The following RORA variants were observed in gnomAD, a reference collection of about 807,000 sequenced individuals.
The protein encoded by RORA is nuclear receptor ROR-alpha.
A neutral mutation model predicts 69.5 loss-of-function variants in RORA; 7 were observed. The observed-to-expected ratio is 0.10, with a 90% confidence interval of 0.06 to 0.19. The LOEUF (loss-of-function observed/expected upper bound fraction) is 0.19. RORA is among the 10% of genes least tolerant of loss of function. The pLI is 1.00. For synonymous variants in RORA, 261 were observed against 240.8 expected (o/e 1.08, Z -0.78); for missense variants, 457 against 663.0 (o/e 0.69, Z 3.41).
At chr15:60,708,804 T>C (rs2071103981) in intron 1 of RORA, among the ~76,000 whole-genome samples, 1 of 152,210 alleles carries the variant, frequency 6.6e-6, no homozygotes, top group Non-Finnish European at 1.5e-5. Flanking sequence ...GTTTATGCAG[T>C]AGAATGCTGA....
chr15:61,029,926 TA>T (rs1896059080), intron 1 of RORA, among the ~76,000 whole-genome samples: 1 of 152,094 alleles, frequency 6.6e-6, no homozygotes, highest in Non-Finnish European at 1.5e-5. Flanking sequence ...GTGGCTCACC[TA>T]AAGAGAGACA....
At position 60,876,793 on chromosome 15, in the gene RORA, T is replaced by C. The variant is rs191567140; in HGVS notation, c.167-198107A>G. On this transcript the variant is annotated intron_variant, in intron 1 of 10. Transcript: ENST00000335670. Reference sequence around the variant, plus strand: ...ATCTGATATCATGAAAACATGGCTCTTTCCTCAAGGATTAGCGAGACAGAC... The same window carrying C: ...ATCTGATATCATGAAAACATGGCTCCTTCCTCAAGGATTAGCGAGACAGAC... Among the ~76,000 whole-genome samples, 399 of 152,346 alleles carry C rather than the reference T, an allele frequency of 2.6e-3. 3 individuals carry two copies. Among genetic ancestry groups the C allele is most frequent in the African/African-American group, 9.1e-3 (378 of 41,574 alleles).
At chr15:61,105,666 C>T (rs1230621595) in intron 1 of RORA, among the ~76,000 whole-genome samples, 2 of 152,120 alleles carry the variant, frequency 1.3e-5, no homozygotes, top group Non-Finnish European at 2.9e-5. Flanking sequence ...CATGTGGACA[C>T]CATAACACAA....
At chr15:60,574,646 G>C (rs969079192) in intron 2 of RORA, among the ~76,000 whole-genome samples, 2 of 152,238 alleles carry the variant, frequency 1.3e-5, no homozygotes, top group Non-Finnish European at 2.9e-5. Flanking sequence ...CCTGCCATAT[G>C]CTAAGTGCTT....
intron 1 of RORA, among the ~76,000 whole-genome samples, chr15:60,986,467 C>T (rs940609390): frequency 5.9e-5 from 9 of 152,194 alleles, no homozygotes; most frequent in Admixed American, 4.6e-4. Flanking sequence ...CAATTTGAGG[C>T]CACCTCTTCA....
chr15:60,687,305 AT>A (rs1435004591), intron 1 of RORA, among the ~76,000 whole-genome samples: 10 of 152,166 alleles, frequency 6.6e-5, no homozygotes, highest in Admixed American at 1.3e-4. Context: ...TCCATAAAGA[AT>A]TTTTTAGAGT....
At chr15:60,766,509 G>A (rs1422182026) in intron 1 of RORA, among the ~76,000 whole-genome samples, 2 of 152,140 alleles carry the variant, frequency 1.3e-5, no homozygotes, top group Admixed American at 6.5e-5. Context: ...ATATGTAGGC[G>A]ATGCCTGCTG....
At chr15:61,184,023 C>T (rs1199607247) in intron 1 of RORA, among the ~76,000 whole-genome samples, 1 of 152,172 alleles carries the variant, frequency 6.6e-6, no homozygotes, top group African/African-American at 2.4e-5. Flanking sequence ...GCTGAACTGA[C>T]ACAGAGCCAT....
intron 1 of RORA, among the ~76,000 whole-genome samples, chr15:60,843,740 C>T (rs998973069): frequency 1.3e-5 from 2 of 152,178 alleles, no homozygotes; most frequent in Non-Finnish European, 2.9e-5. Flanking sequence ...GAACGGCTGG[C>T]ACAGCCCTGT....
At chr15:61,047,981 G>C (rs866975189) in intron 1 of RORA, among the ~76,000 whole-genome samples, 36 of 152,174 alleles carry the variant, frequency 2.4e-4, no homozygotes, top group Admixed American at 5.9e-4. Flanking sequence ...CCAGAATGCA[G>C]AGGTGACTCA....
intron 1 of RORA, among the ~76,000 whole-genome samples, chr15:60,909,500 A>C (rs117076168): frequency 1.3e-5 from 2 of 152,226 alleles, no homozygotes; most frequent in African/African-American, 4.8e-5. Context: ...CGAACGATTG[A>C]ACCCTCACAC....
At chr15:61,072,184 A>C (rs954234670) in intron 1 of RORA, among the ~76,000 whole-genome samples, 1 of 152,178 alleles carries the variant, frequency 6.6e-6, no homozygotes, top group African/African-American at 2.4e-5. Context: ...GAACATTACA[A>C]ATTATATGTT....
At chr15:61,183,741 C>G (rs986879809) in intron 1 of RORA, among the ~76,000 whole-genome samples, 1 of 152,038 alleles carries the variant, frequency 6.6e-6, no homozygotes, top group Non-Finnish European at 1.5e-5. Flanking sequence ...TGACAAAGAC[C>G]AGGGAATAAT....
intron 1 of RORA, chr15:61,214,008 G>C (rs186855839): frequency 6.6e-6 from 1 of 152,084 alleles, no homozygotes. Context: ...GGCATTCACC[G>C]AATGCTCATG....
At chr15:60,960,276 C>A (rs973455329) in intron 1 of RORA, among the ~76,000 whole-genome samples, 29 of 152,166 alleles carry the variant, frequency 1.9e-4, no homozygotes, top group African/African-American at 7.0e-4. Flanking sequence ...GCACATTTAA[C>A]AAGCATGGTG....
At chr15:61,159,364 C>G (rs1415137035) in intron 1 of RORA, among the ~76,000 whole-genome samples, 1 of 152,164 alleles carries the variant, frequency 6.6e-6, no homozygotes, top group Non-Finnish European at 1.5e-5. Flanking sequence ...TAAAATTTAA[C>G]CCTGAAAATG....
chr15:60,511,028 G>T lies in RORA; in HGVS notation c.820+198C>A, dbSNP rs1422124553. On this transcript the variant is annotated intron_variant, in intron 5 of 10. Coordinates refer to ENST00000335670, the MANE Select transcript of RORA (RefSeq NM_134261.3). The surrounding 1 kb of genome is among the most constrained non-coding windows in gnomAD (Gnocchi z 6.4). The stretch of plus-strand genomic sequence containing the variant: ...TTTTGCCCCATTTCTAATGCTGAGA[G>T]GTCAATGCATGTATTGGATAAACCA... Among the ~76,000 whole-genome samples, 1 of 152,178 alleles carries T rather than the reference G, an allele frequency of 6.6e-6. No individual in the cohort carries two copies. The highest frequency in any genetic ancestry group is 1.5e-5 in the Non-Finnish European group (1 of 68,028).
chr15:61,229,019 CCG>C, intron 1 of RORA, 32 bp downstream of exon 1: 1 of 1,267,068 alleles, frequency 7.9e-7, no homozygotes, highest in Non-Finnish European at 1.0e-6. Context: ...CGGGCTCCCG[CCG>C]CCCCCTCCCC....
intron 1 of RORA, among the ~76,000 whole-genome samples, chr15:60,770,366 A>C (rs182455495): frequency 3.9e-5 from 6 of 152,176 alleles, no homozygotes; most frequent in Non-Finnish European, 8.8e-5. Flanking sequence ...TGGAAAGCCT[A>C]GAAGTCAGGG....
Sources: allele counts gnomAD v4.1 joint callset (sites outside exome capture counted in the v4.1 genomes callset), GRCh38; gene constraint gnomAD v4.1.1; non-coding constraint Gnocchi (gnomAD v3.1); transcripts MANE v1.5; gene names NCBI Gene and HGNC (gene_info 2026-07-23, HGNC 2026-07-21).